The following DET1 variants were observed in gnomAD, a reference collection of about 807,000 sequenced individuals.
DET1 encodes DET1 partner of COP1 E3 ubiquitin ligase, also known as DET1 homolog.
DET1 carries 22 observed loss-of-function variants against 43.7 expected under a neutral mutation model. The observed-to-expected ratio is 0.50, with a 90% CI of 0.36 to 0.72. The LOEUF is 0.72. Among genes scored for constraint, DET1 ranks in the 30% least tolerant of loss-of-function variants. The probability of loss-of-function intolerance (pLI) is 0.00; values close to 1 mark genes in which losing one functional copy is unlikely to be tolerated. For missense variants in DET1, 713 were observed against 713.3 expected (o/e 1.00, Z 0.00); for synonymous variants, 315 against 266.2 (o/e 1.18, Z -1.79).
At chr15:88,544,734 G>A (rs1282444292) in intron 1 of DET1, among the ~76,000 whole-genome samples, 1 of 152,094 alleles carries the variant, frequency 6.6e-6, no homozygotes, top group Non-Finnish European at 1.5e-5. Flanking sequence ...TAAAAACAGG[G>A]GTCCCCAGGC....
chr15:88,518,097 C>A (rs895544031), intron 3 of DET1, among the ~76,000 whole-genome samples: 1 of 135,504 alleles, frequency 7.4e-6, no homozygotes, highest in African/African-American at 2.9e-5. Flanking sequence ...TGCCACCACA[C>A]CCAGCTAATT....
intron 1 of DET1, among the ~76,000 whole-genome samples, chr15:88,545,695 T>C (rs1252909269): frequency 1.3e-5 from 2 of 150,850 alleles, no homozygotes; most frequent in African/African-American, 4.9e-5. Flanking sequence ...ATCAATGATT[T>C]GATTCCCCAA....
downstream of DET1, among the ~76,000 whole-genome samples, chr15:88,509,345 C>G (rs531366838): frequency 6.6e-6 from 1 of 152,048 alleles, no homozygotes; most frequent in Non-Finnish European, 1.5e-5. Flanking sequence ...AAGTGAGAGG[C>G]AAAGGTGCAA....
At chr15:88,510,759 G>GT (rs796792971), downstream of DET1, among the ~76,000 whole-genome samples, 725 of 135,450 alleles carry the variant, frequency 5.4e-3, 7 homozygotes, top group Admixed American at 8.6e-3. Context: ...TTGTTGTTTT[G>GT]TTTTTTTTTT....
intron 1 of DET1, among the ~76,000 whole-genome samples, chr15:88,539,668 A>G (rs1338859925): frequency 1.3e-5 from 2 of 152,076 alleles, no homozygotes; most frequent in East Asian, 3.8e-4. Context: ...AAGAGGTTAA[A>G]TTTCTCATCG....
chr15:88,529,682 G>T (rs539347153), intron 2 of DET1, among the ~76,000 whole-genome samples: 1 of 152,290 alleles, frequency 6.6e-6, no homozygotes, highest in South Asian at 2.1e-4. Flanking sequence ...AGTTGACTTC[G>T]TGGTTTACTG....
At position 88,513,018 on chromosome 15, in the gene DET1, G is replaced by C; in HGVS notation, c.1586C>G (p.Ala529Gly). ...AGCATTAGTCCTCTGCACAGAAATAGCGAAAGGCTCAAAAGGGTGAAAGGT... is the reference window on the plus strand; with the variant it reads ...AGCATTAGTCCTCTGCACAGAAATACCGAAAGGCTCAAAAGGGTGAAAGGT... ...AFTFHPFEPF[A>G]ISVQRTNAEY... Residue 529 changes from alanine (A) to glycine (G), a missense_variant, in exon 5 of 5, where the codon GCT becomes GGT. By Grantham distance (60) the Ala-to-Gly change is moderately conservative. Transcript: ENST00000268148. 1 of 1,614,074 alleles carries C rather than the reference G, an allele frequency of 6.2e-7. No homozygotes were observed. Among genetic ancestry groups the C allele is most frequent in the Non-Finnish European group, 8.5e-7 (1 of 1,179,904 alleles).
chr15:88,511,152 T>C (rs1028465429), downstream of DET1, among the ~76,000 whole-genome samples: 1 of 152,166 alleles, frequency 6.6e-6, no homozygotes, highest in Non-Finnish European at 1.5e-5. Flanking sequence ...AAGTATTTCA[T>C]CCATCCAGGG....
At chr15:88,517,237 T>TG (rs2056370454) in intron 3 of DET1, among the ~76,000 whole-genome samples, 1 of 150,916 alleles carries the variant, frequency 6.6e-6, no homozygotes, top group Non-Finnish European at 1.5e-5. Flanking sequence ...TTTTTTTTTT[T>TG]TTTTTTGAGA....
chr15:88,535,612 C>CGGGCACAGTGGTGTGCACTTGT (rs2056927982), intron 1 of DET1, among the ~76,000 whole-genome samples: 2 of 151,896 alleles, frequency 1.3e-5, no homozygotes, highest in East Asian at 1.9e-4. Context: ...AAAAAGTAGC[C>CGGGCACAGTGGTGTGCACTTGT]GGGCACAGTG....
At chr15:88,542,620 CAGA>C (rs1280344152) in intron 1 of DET1, among the ~76,000 whole-genome samples, 2 of 152,068 alleles carry the variant, frequency 1.3e-5, no homozygotes, top group East Asian at 1.9e-4. Context: ...AGAAATAGCC[CAGA>C]AGGTTTTTGA....
chr15:88,546,239 C>A (rs539978748), intron 1 of DET1: 1 of 153,394 alleles, frequency 6.5e-6, no homozygotes, highest in South Asian at 2.0e-4. Context: ...CACACTAACT[C>A]ACTGTGTGGT....
chr15:88,545,171 T>TAA (rs200677616), intron 1 of DET1, among the ~76,000 whole-genome samples: 2 of 149,488 alleles, frequency 1.3e-5, no homozygotes, highest in African/African-American at 4.9e-5. Context: ...AATTATGTAC[T>TAA]AAAAAAAAAA....
At chr15:88,525,375 T>C (rs2056633336) in intron 3 of DET1, among the ~76,000 whole-genome samples, 1 of 152,228 alleles carries the variant, frequency 6.6e-6, no homozygotes. Context: ...TGAAGATCAC[T>C]GAGCTGGAAT....
In DET1 at chr15:88,527,607, G is replaced by A. The variant is rs967338765; in HGVS notation, c.1263C>T (p.Ile421=). ...SASSNNFARQ[I]QRRFKDTIIN... ...CTGGTGGAACAGCTTACCGGCGCTGGATCTGCCTTGCAAAATTGTTGCTAG... is the reference window on the plus strand; with the variant it reads ...CTGGTGGAACAGCTTACCGGCGCTGAATCTGCCTTGCAAAATTGTTGCTAG... The change falls in exon 3 of 5, where the codon ATC becomes ATT. Residue 421 remains isoleucine, a synonymous_variant. Coordinates refer to ENST00000268148, the MANE Select transcript of DET1 (RefSeq NM_001144074.3). The A allele has an allele frequency of 6.9e-6, 11 of 1,604,356 alleles. No individual in the cohort carries two copies. Among genetic ancestry groups the A allele is most frequent in the Non-Finnish European group, 9.4e-6 (11 of 1,174,496 alleles).
chr15:88,543,126 T>A (rs533023553), intron 1 of DET1, among the ~76,000 whole-genome samples: 30 of 152,320 alleles, frequency 2.0e-4, no homozygotes, highest in African/African-American at 7.2e-4. Flanking sequence ...GCCTCCCAGA[T>A]ACCTCAAAGC....
rs372102900 is a variant in DET1, at chr15:88,516,988, C to T, written c.1272-15G>A. ...TGTCTTTGAACCTAAATGAAAGGAC[C>T]GGTGAGGAAGGCTTTGTTAGTGAGT... On this transcript the variant is annotated splice_polypyrimidine_tract_variant and intron_variant, in intron 3 of 4. Coordinates refer to ENST00000268148, the MANE Select transcript of DET1 (RefSeq NM_001144074.3). This position sits in a 1 kb window ranked among gnomAD's most constrained non-coding sequence, Gnocchi z 4.4. The T allele has an allele frequency of 2.0e-4, 311 of 1,551,882 alleles. No individual in the cohort carries two copies. Among genetic ancestry groups the T allele is most frequent in the Non-Finnish European group, 2.5e-4 (286 of 1,152,454 alleles).
intron 1 of DET1, among the ~76,000 whole-genome samples, chr15:88,534,262 T>G (rs999809300): frequency 2.0e-5 from 3 of 152,222 alleles, no homozygotes; most frequent in Non-Finnish European, 1.5e-5. Flanking sequence ...ACTTAAGTTA[T>G]AAAGCTGTTG....
intron 1 of DET1, among the ~76,000 whole-genome samples, chr15:88,539,256 A>T (rs987505421): frequency 6.6e-6 from 1 of 152,056 alleles, no homozygotes; most frequent in Non-Finnish European, 1.5e-5. Context: ...AAAGCTACAC[A>T]GTTTGAGTGG....
Sources: gnomAD v4.1 joint callset for allele counts (sites outside exome capture counted in the v4.1 genomes callset) on GRCh38, gnomAD v4.1.1 for gene constraint, Gnocchi (gnomAD v3.1) non-coding constraint, MANE v1.5 for transcripts, NCBI Gene and HGNC (gene_info 2026-07-23, HGNC 2026-07-21) for gene names.